Variants in TENM2 observed in about 807,000 individuals in gnomAD.
TENM2 encodes the protein teneurin transmembrane protein 2, also known as teneurin-2.
In TENM2, 52 loss-of-function variants were observed where a neutral mutation model predicts 245.2. The ratio of observed to expected loss-of-function variants is 0.21; its 90% CI spans 0.17 to 0.27. TENM2 has a LOEUF of 0.27. Ranked by LOEUF, TENM2 falls within the 10% of genes least tolerant of loss-of-function variation. The pLI is 1.00. For missense variants in TENM2, 3,046 were observed against 3,666.8 expected, an observed-to-expected ratio of 0.83 and a Z score of 4.37; for synonymous variants, 1,363 against 1,438.9, an observed-to-expected ratio of 0.95 and a Z score of 1.19.
rs1465304572 is a variant in TENM2 at position 168,121,074 on chromosome 5, A to G, written c.2008+2588A>G. 2.0e-5 allele frequency among the ~76,000 whole-genome samples: 3 copies of G among 152,202 alleles called. No individual in the cohort carries two copies. In the East Asian group the frequency reaches 5.8e-4, roughly 29 times the overall value. On this transcript the variant is annotated intron_variant, in intron 10 of 28. Coordinates refer to ENST00000518659, the Ensembl canonical transcript of TENM2. ...ACATTTAACTTCATAAATGTAATTC[A>G]TGGTTCTTCAGGGGCTTATAGTACA...
At chr5:167,226,845 T>C in the TENM2 span, among the ~76,000 whole-genome samples, 35 of 152,052 alleles carry the variant, frequency 2.3e-4, no homozygotes, top group Admixed American at 2.3e-3. Context: ...ACATTTGTTT[T>C]ATGAATCTGG....
intron 1 of TENM2, among the ~76,000 whole-genome samples, chr5:167,356,576 G>A (rs779350223): frequency 6.6e-6 from 1 of 152,198 alleles, no homozygotes; most frequent in Non-Finnish European, 1.5e-5. Context: ...AGGAGGCCAG[G>A]CACTGTTGCT....
chr5:167,158,230 A>C, the TENM2 span, among the ~76,000 whole-genome samples: 1 of 152,210 alleles, frequency 6.6e-6, no homozygotes, highest in Non-Finnish European at 1.5e-5. Flanking sequence ...CAAATGTGCA[A>C]CTTATTAAGT....
At chr5:168,168,080 T>C (rs1408256885) in intron 13 of TENM2, among the ~76,000 whole-genome samples, 2 of 152,222 alleles carry the variant, frequency 1.3e-5, no homozygotes, top group African/African-American at 4.8e-5. Flanking sequence ...GCTGCGTGAC[T>C]GTGTGGAGGG....
intron 2 of TENM2, among the ~76,000 whole-genome samples, chr5:167,621,495 T>C (rs1473868594): frequency 6.6e-6 from 1 of 152,096 alleles, no homozygotes; most frequent in Non-Finnish European, 1.5e-5. Context: ...CCAGGTCATT[T>C]AGGACCTTCT....
At chr5:167,458,997 CAT>C (rs1766114387) in intron 2 of TENM2, among the ~76,000 whole-genome samples, 1 of 152,140 alleles carries the variant, frequency 6.6e-6, no homozygotes, top group Non-Finnish European at 1.5e-5. Context: ...TGGTAAAACA[CAT>C]AACATAAAAT....
At chr5:167,876,907 G>T (rs1177248252) in intron 3 of TENM2, among the ~76,000 whole-genome samples, 1 of 152,068 alleles carries the variant, frequency 6.6e-6, no homozygotes, top group Non-Finnish European at 1.5e-5. Flanking sequence ...AGATTTTGTG[G>T]CCACTGTCTT....
intron 2 of TENM2, among the ~76,000 whole-genome samples, chr5:167,872,728 G>A (rs957321587): frequency 1.3e-5 from 2 of 152,152 alleles, no homozygotes; most frequent in South Asian, 4.1e-4. Context: ...TCTGTGATGC[G>A]TATTCTCAAT....
At chr5:167,357,699 T>C (rs894556518) in intron 1 of TENM2, among the ~76,000 whole-genome samples, 1 of 152,330 alleles carries the variant, frequency 6.6e-6, no homozygotes, top group South Asian at 2.1e-4. Flanking sequence ...GAGTGCTATG[T>C]GTGTACGATA....
At chr5:167,048,393 G>A in the TENM2 span, among the ~76,000 whole-genome samples, 2 of 152,110 alleles carry the variant, frequency 1.3e-5, no homozygotes, top group African/African-American at 2.4e-5. Flanking sequence ...GAATTTGAAG[G>A]GTTTTAGTTA....
chr5:167,771,003 C>T (rs1429449004), intron 2 of TENM2, among the ~76,000 whole-genome samples: 1 of 151,222 alleles, frequency 6.6e-6, no homozygotes, highest in South Asian at 2.1e-4. Context: ...TCAATGCACT[C>T]AAGGAATAAA....
chr5:166,979,278 C>A, the TENM2 span, among the ~76,000 whole-genome samples: 16 of 151,578 alleles, frequency 1.1e-4, no homozygotes, highest in East Asian at 2.9e-3. Context: ...GCAGGCAGAA[C>A]TGTGCAGAAG....
the TENM2 span, among the ~76,000 whole-genome samples, chr5:167,028,291 A>C: frequency 1.3e-5 from 2 of 152,142 alleles, no homozygotes; most frequent in East Asian, 1.9e-4. Context: ...AAGACACATA[A>C]AAATGAACAT....
chr5:167,467,935 C>CAT (rs566569447), intron 2 of TENM2, among the ~76,000 whole-genome samples: 98 of 151,356 alleles, frequency 6.5e-4, no homozygotes, highest in East Asian at 3.3e-3. Context: ...ATTCTATTCA[C>CAT]ATATATATAT....
intron 1 of TENM2, among the ~76,000 whole-genome samples, chr5:167,315,882 A>G (rs1350446351): frequency 6.6e-6 from 1 of 152,148 alleles, no homozygotes; most frequent in Non-Finnish European, 1.5e-5. Flanking sequence ...ATTAGGAACA[A>G]TTATAGCTAG....
intron 2 of TENM2, among the ~76,000 whole-genome samples, chr5:167,386,765 G>T (rs932783348): frequency 6.6e-6 from 1 of 152,132 alleles, no homozygotes; most frequent in Non-Finnish European, 1.5e-5. Flanking sequence ...TTGTTGAAAA[G>T]GGTGTCCTTT....
At chr5:167,212,069 T>G in the TENM2 span, among the ~76,000 whole-genome samples, 11 of 152,178 alleles carry the variant, frequency 7.2e-5, no homozygotes, top group African/African-American at 2.4e-4. Context: ...GGTGTCTCAT[T>G]GGAACCCCAA....
chr5:167,721,998 T>C (rs1036606302), intron 2 of TENM2, among the ~76,000 whole-genome samples: 1 of 152,222 alleles, frequency 6.6e-6, no homozygotes, highest in Non-Finnish European at 1.5e-5. Context: ...TTCCCACTCA[T>C]GCTGTAGAAA....
At chr5:167,555,084 C>T (rs1229925835) in intron 2 of TENM2, among the ~76,000 whole-genome samples, 2 of 152,160 alleles carry the variant, frequency 1.3e-5, no homozygotes, top group African/African-American at 4.8e-5. Flanking sequence ...CAGTCATGCG[C>T]GTGCACGCAC....
Sources: gnomAD v4.1 joint callset for allele counts (sites outside exome capture counted in the v4.1 genomes callset) on GRCh38, gnomAD v4.1.1 for gene constraint, MANE v1.5 for transcripts, NCBI Gene and HGNC (gene_info 2026-07-23, HGNC 2026-07-21) for gene names.